Variants in JAKMIP2 observed in about 807,000 individuals in gnomAD.
JAKMIP2 encodes the protein janus kinase and microtubule-interacting protein 2.
Under a neutral mutation model 115.0 loss-of-function variants are expected in JAKMIP2, and 25 were observed. The ratio of observed to expected loss-of-function variants is 0.22; its 90% CI spans 0.16 to 0.30. The LOEUF (loss-of-function observed/expected upper bound fraction) is 0.30, where lower values mean the gene tolerates loss of function less well. Ranked by LOEUF, JAKMIP2 falls within the 10% of genes least tolerant of loss-of-function variation. The pLI, the probability that JAKMIP2 is intolerant of heterozygous loss-of-function variation, is 1.00. For missense variants in JAKMIP2, 642 were observed against 957.6 expected (o/e 0.67, Z 4.35); for synonymous variants, 334 against 343.6 (o/e 0.97, Z 0.31).
chr5:147,718,310 T>C (rs1753103219), intron 1 of JAKMIP2, among the ~76,000 whole-genome samples: 1 of 149,900 alleles, frequency 6.7e-6, no homozygotes, highest in African/African-American at 2.5e-5. Flanking sequence ...AAAATTCTCT[T>C]TTTTGGTTGT....
At chr5:147,645,045 G>A (rs2116764) in intron 5 of JAKMIP2, 49 bp from the exon 6 acceptor site, 92,784 of 1,587,692 alleles carry the variant, frequency 0.058, 4,655 homozygotes, top group East Asian at 0.2. Flanking sequence ...GGGGACGTGG[G>A]GGCAGGGGAG....
chr5:147,724,218 A>G (rs1398185043), intron 1 of JAKMIP2, among the ~76,000 whole-genome samples: 2 of 152,206 alleles, frequency 1.3e-5, no homozygotes, highest in South Asian at 2.1e-4. Context: ...TTTTTATTCT[A>G]GAGTACTTAT....
rs76296787 is a variant in JAKMIP2 at position 147,740,634 on chromosome 5, G to A, written c.-149+41822C>T. On this transcript the variant is annotated intron_variant, in intron 1 of 21. Transcript: ENST00000616793. ...AGTGTGGAGGGGTCTTAGCAAGCCC[G>A]TCATCTTTGTCTTGAATGCTCTTCT... 8.7e-3 allele frequency among the ~76,000 whole-genome samples: 1,324 copies of A among 152,208 alleles called. 30 individuals carry two copies. Among genetic ancestry groups the A allele is most frequent in the African/African-American group, 0.03 (1,253 of 41,530 alleles).
At position 147,635,402 on chromosome 5, in the gene JAKMIP2, A is replaced by AC. The variant is rs887153843; in HGVS notation, c.1677+819_1677+820insG. Among the ~76,000 whole-genome samples the AC allele has an allele frequency of 4.6e-5, 7 of 151,890 alleles. 1 individual carries two copies. The highest frequency in any genetic ancestry group is 1.7e-4 in the African/African-American group (7 of 41,268). ...TTTTAAAAACAGTATTCATCTAAAAAAAATCTTTCATTAAAAAAAAAAGAA... is the reference window on the plus strand; with the variant it reads ...TTTTAAAAACAGTATTCATCTAAAAACAAATCTTTCATTAAAAAAAAAAGAA... On this transcript the variant is annotated intron_variant, in intron 12 of 21. Transcript: ENST00000616793.
intron 3 of JAKMIP2, among the ~76,000 whole-genome samples, chr5:147,655,565 A>C (rs1328151052): frequency 6.6e-6 from 1 of 151,826 alleles, no homozygotes; most frequent in Non-Finnish European, 1.5e-5. Flanking sequence ...ATCATTTTTT[A>C]TTGTGTCTAT....
intron 1 of JAKMIP2, among the ~76,000 whole-genome samples, chr5:147,733,718 G>T (rs575950401): frequency 6.6e-6 from 1 of 152,086 alleles, no homozygotes; most frequent in African/African-American, 2.4e-5. Flanking sequence ...TGCAGTGTTC[G>T]GTTTTCTGCT....
chr5:147,750,498 A>G (rs1754507880), intron 1 of JAKMIP2, among the ~76,000 whole-genome samples: 2 of 151,924 alleles, frequency 1.3e-5, no homozygotes, highest in African/African-American at 2.4e-5. Flanking sequence ...CTGAAGGCCA[A>G]TAAGAAAAAA....
intron 1 of JAKMIP2, among the ~76,000 whole-genome samples, chr5:147,756,345 T>C (rs968319340): frequency 6.6e-6 from 1 of 152,128 alleles, no homozygotes; most frequent in Non-Finnish European, 1.5e-5. Flanking sequence ...CACTCCTTAC[T>C]CTGGTACACA....
intron 19 of JAKMIP2, among the ~76,000 whole-genome samples, chr5:147,613,551 T>C (rs997704551): frequency 2.4e-4 from 37 of 152,288 alleles, no homozygotes; most frequent in African/African-American, 8.4e-4. Context: ...TTATTTTAAG[T>C]TGTGTAATTC....
intron 16 of JAKMIP2, 129 bp downstream of exon 16, chr5:147,628,621 TA>T: frequency 1.7e-6 from 1 of 599,640 alleles, no homozygotes; most frequent in Non-Finnish European, 2.9e-6. Flanking sequence ...GTACTACCCT[TA>T]AAAATAAAAT....
At chr5:147,630,204 A>G (rs527406111) in intron 14 of JAKMIP2, among the ~76,000 whole-genome samples, 1 of 152,234 alleles carries the variant, frequency 6.6e-6, no homozygotes, top group African/African-American at 2.4e-5. Context: ...GACCTGATTG[A>G]ATTTTGACTG....
intron 1 of JAKMIP2, among the ~76,000 whole-genome samples, chr5:147,731,153 T>G (rs942952316): frequency 3.9e-5 from 6 of 152,068 alleles, no homozygotes; most frequent in Non-Finnish European, 5.9e-5. Flanking sequence ...GTCACGTCAG[T>G]TCTATTTTGG....
At chr5:147,762,688 C>T (rs1754971086) in intron 1 of JAKMIP2, among the ~76,000 whole-genome samples, 2 of 152,088 alleles carry the variant, frequency 1.3e-5, no homozygotes, top group Non-Finnish European at 2.9e-5. Context: ...TCTCCAAATG[C>T]AGTCACATTG....
chr5:147,644,040 AGATT>A lies in JAKMIP2; in HGVS notation c.1224+14_1224+17del, dbSNP rs757669021. 9.2e-6 allele frequency: 14 copies of A among 1,525,644 alleles called. No homozygotes were observed. The South Asian group carries it at 1.6e-4, about 18-fold the overall frequency. The allele number at this position is 1,525,644 out of a possible 1,614,324, so 94.5% of individuals were successfully genotyped here. A position where few individuals can be genotyped will look rare whatever the true frequency, so the allele number is the denominator to read the frequency against. ...TCCTTGGGAACAACTTAGGGTTTAC[AGATT>A]GATTGACACGTACCCTTGTGAGCTC... On this transcript the variant is annotated intron_variant, in intron 7 of 21. Coordinates refer to ENST00000616793, the MANE Select transcript of JAKMIP2 (RefSeq NM_001270941.2).
intron 20 of JAKMIP2, among the ~76,000 whole-genome samples, chr5:147,606,279 T>C (rs1756009430): frequency 6.6e-6 from 1 of 152,186 alleles, no homozygotes; most frequent in Non-Finnish European, 1.5e-5. Context: ...CTGAATGGTA[T>C]TGCCTAGATT....
chr5:147,749,537 T>A (rs1754475042), intron 1 of JAKMIP2, among the ~76,000 whole-genome samples: 1 of 152,198 alleles, frequency 6.6e-6, no homozygotes, highest in Non-Finnish European at 1.5e-5. Context: ...GCTACTTCTG[T>A]GTCACTTGAC....
At chr5:147,685,154 G>T (rs1760508031) in intron 1 of JAKMIP2, among the ~76,000 whole-genome samples, 1 of 152,180 alleles carries the variant, frequency 6.6e-6, no homozygotes, top group Non-Finnish European at 1.5e-5. Flanking sequence ...ATTAGAATGT[G>T]TTTGAGCCTG....
rs58443373 is a variant in JAKMIP2, at chr5:147,702,463, A to AAGGGAGGG, written c.-148-30517_-148-30510dup. ...GTAGGAAGGAAGGAAGGAAGGAAGG[A>AAGGGAGGG]AGGGAGGGAGGGAAGGAAGAGAAAA... is the stretch of plus-strand genomic sequence containing the variant. On this transcript the variant is annotated intron_variant, in intron 1 of 21. Coordinates refer to ENST00000616793, the MANE Select transcript of JAKMIP2 (RefSeq NM_001270941.2). Among the ~76,000 whole-genome samples, 13 of 121,176 alleles carry AAGGGAGGG rather than the reference A, an allele frequency of 1.1e-4. 1 individual carries two copies. Among genetic ancestry groups the AAGGGAGGG allele is most frequent in the African/African-American group, 2.5e-4 (7 of 27,984 alleles). The allele number at this position is 121,176 out of a possible 152,430, so 79.5% of individuals were successfully genotyped here. A position where few individuals can be genotyped will look rare whatever the true frequency, so the allele number is the denominator to read the frequency against.
chr5:147,742,156 T>TATATATATATATATATATA (rs1554084271), intron 1 of JAKMIP2, among the ~76,000 whole-genome samples: 34 of 84,032 alleles, frequency 4.0e-4, no homozygotes, highest in African/African-American at 7.6e-4. Context: ...TATATATATA[T>TATATATATATATATATATA]TTTTTTTACT....
Sources: gnomAD v4.1 joint callset for allele counts (sites outside exome capture counted in the v4.1 genomes callset) on GRCh38, gnomAD v4.1.1 for gene constraint, MANE v1.5 for transcripts, NCBI Gene and HGNC (gene_info 2026-07-23, HGNC 2026-07-21) for gene names.